ZFP64: variants seen among roughly 807,000 people sequenced by gnomAD.
The protein encoded by ZFP64 is zinc finger protein 64.
A neutral mutation model predicts 51.6 loss-of-function variants in ZFP64; 14 were observed. The observed-to-expected ratio is 0.27, with a 90% CI of 0.18 to 0.42. The LOEUF is 0.42. Ranked by LOEUF, ZFP64 falls within the 10% of genes least tolerant of loss-of-function variation. The pLI, the probability that ZFP64 is intolerant of heterozygous loss-of-function variation, is 1.00. For missense variants in ZFP64, 754 were observed against 906.8 expected (o/e 0.83, Z 2.16); for synonymous variants, 375 against 361.4 (o/e 1.04, Z -0.43).
At chr20:52,161,102 C>G (rs1313325148) in intron 4 of ZFP64, among the ~76,000 whole-genome samples, 1 of 152,030 alleles carries the variant, frequency 6.6e-6, no homozygotes, top group African/African-American at 2.4e-5. Context: ...CTGGCTGGTC[C>G]CTAGGACAGA....
intron 7 of ZFP64, among the ~76,000 whole-genome samples, chr20:52,090,058 CA>C: frequency 6.6e-6 from 1 of 152,162 alleles, no homozygotes; most frequent in African/African-American, 2.4e-5. Flanking sequence ...GAAAAGACGC[CA>C]AAAGGTAAGA....
At chr20:52,096,157 G>A (rs757899390) in intron 7 of ZFP64, among the ~76,000 whole-genome samples, 1 of 152,160 alleles carries the variant, frequency 6.6e-6, no homozygotes, top group Non-Finnish European at 1.5e-5. Flanking sequence ...CAGTGAAGGG[G>A]CTCCAGAGGC....
chr20:52,138,101 G>T (rs1028373133), intron 5 of ZFP64, among the ~76,000 whole-genome samples: 3 of 151,964 alleles, frequency 2.0e-5, no homozygotes, highest in Middle Eastern at 3.2e-3. Flanking sequence ...CAACTACTTG[G>T]GAGGCTGAGG....
chr20:52,109,799 A>G (rs868394491), intron 5 of ZFP64, among the ~76,000 whole-genome samples: 20 of 151,032 alleles, frequency 1.3e-4, no homozygotes, highest in African/African-American at 2.9e-4. Context: ...AAAAAAAAAA[A>G]AAAGAAAAAA....
At chr20:52,116,740 G>A (rs1323387421) in intron 5 of ZFP64, among the ~76,000 whole-genome samples, 2 of 152,114 alleles carry the variant, frequency 1.3e-5, no homozygotes, top group African/African-American at 4.8e-5. Context: ...TGCATAATAT[G>A]TATAACATAA....
At chr20:52,099,690 T>C (rs377139150) in intron 5 of ZFP64, among the ~76,000 whole-genome samples, 1 of 152,196 alleles carries the variant, frequency 6.6e-6, no homozygotes, top group Non-Finnish European at 1.5e-5. Flanking sequence ...TTGTATGATA[T>C]GTGAATTTGT....
rs1024908089 is a variant in ZFP64, at chr20:52,112,092, A to C, written c.764-13505T>G. Among the ~76,000 whole-genome samples, 10 of 137,812 alleles carry C rather than the reference A, an allele frequency of 7.3e-5. No individual in the cohort carries two copies. The East Asian group carries it at 7.9e-4, about 11-fold the overall frequency. The allele number at this position is 137,812 out of a possible 152,430, so 90.4% of individuals were successfully genotyped here. On this transcript the variant is annotated intron_variant, in intron 5 of 8. Coordinates refer to the ZFP64 transcript ENST00000361387. The stretch of plus-strand genomic sequence containing the variant: ...GCGAGACTCTATCTCCAAAAAAAAA[A>C]AAAAAAAACAAAAAAAAAACAAGAA...
chr20:52,135,757 G>A (rs1979939085), intron 5 of ZFP64, among the ~76,000 whole-genome samples: 1 of 152,058 alleles, frequency 6.6e-6, no homozygotes, highest in African/African-American at 2.4e-5. Context: ...CCAGAGTGCT[G>A]GAATTACAGG....
At chr20:52,185,541 C>CTCCCTTTATGTCGAATCG (rs140022492) in intron 2 of ZFP64, among the ~76,000 whole-genome samples, 1 of 150,554 alleles carries the variant, frequency 6.6e-6, no homozygotes, top group African/African-American at 2.5e-5. Flanking sequence ...GTGACCAAAC[C>CTCCCTTTATGTCGAATCG]TCCCCTGTAA....
chr20:52,084,848 C>T (rs756223442), exon 9 of ZFP64: 2 of 1,614,072 alleles, frequency 1.2e-6, no homozygotes, highest in Non-Finnish European at 1.7e-6. Context: ...CCGTCTTGGC[C>T]TCGTCCCTGT....
Position 52,176,201 on chromosome 20 carries a change from C to G in ZFP64, c.287-10176G>C, listed in dbSNP as rs140758536. On this transcript the variant is annotated intron_variant, in intron 2 of 5. Transcript: ENST00000216923. ...GGAGCATCTCTGGAGCCCAAGAGTC[C>G]GAGTCCAACCTGGGCGACGTAGTGA... Among the ~76,000 whole-genome samples, 1,476 of 152,094 alleles carry G rather than the reference C, an allele frequency of 9.7e-3. 7 individuals are homozygous for G. The highest frequency in any genetic ancestry group is 0.014 in the Non-Finnish European group (967 of 68,008).
At chr20:52,157,515 T>C (rs995803969) in intron 5 of ZFP64, among the ~76,000 whole-genome samples, 2 of 152,154 alleles carry the variant, frequency 1.3e-5, no homozygotes, top group African/African-American at 4.8e-5. Flanking sequence ...GAAAGGATGT[T>C]CCAATGGGCA....
rs766910062 is a variant in ZFP64, at chr20:52,180,226, CTT to C, written c.286+6604_286+6605del. Among the ~76,000 whole-genome samples the C allele has an allele frequency of 1.8e-3, 268 of 152,348 alleles. 2 individuals are homozygous for C. Among genetic ancestry groups the C allele is most frequent in the Non-Finnish European group, 1.9e-3 (132 of 68,038 alleles). On this transcript the variant is annotated intron_variant, in intron 2 of 5. Coordinates refer to ENST00000216923, the MANE Select transcript of ZFP64 (RefSeq NM_018197.3). ...GCTGGCTGTCAGGGGCTGCTTTCCT[CTT>C]TCTCTGCTAGTTGGCCACAGGCCCT...
chr20:52,126,306 C>T (rs1036648545), intron 5 of ZFP64, among the ~76,000 whole-genome samples: 6 of 152,150 alleles, frequency 3.9e-5, no homozygotes, highest in Non-Finnish European at 5.9e-5. Flanking sequence ...AGTTATTTCA[C>T]GCATCTGGGT....
At chr20:52,125,487 C>A (rs765969835) in intron 5 of ZFP64, among the ~76,000 whole-genome samples, 1 of 152,250 alleles carries the variant, frequency 6.6e-6, no homozygotes, top group Non-Finnish European at 1.5e-5. Flanking sequence ...CAGCAGCCAT[C>A]ATACACTAGT....
At chr20:52,100,080 G>A (rs575886302) in intron 5 of ZFP64, among the ~76,000 whole-genome samples, 3 of 152,250 alleles carry the variant, frequency 2.0e-5, no homozygotes, top group South Asian at 2.1e-4. Context: ...TGCAAATTCC[G>A]CCTCCCGGGT....
At chr20:52,104,601 T>C in intron 5 of ZFP64, 2 of 435,544 alleles carry the variant, frequency 4.6e-6, no homozygotes, top group Non-Finnish European at 9.5e-6. Context: ...GCTGACGCCC[T>C]GGGTCCCTGC....
intron 5 of ZFP64, among the ~76,000 whole-genome samples, chr20:52,100,189 CTG>C (rs2079035494): frequency 6.6e-6 from 1 of 152,128 alleles, no homozygotes; most frequent in African/African-American, 2.4e-5. Flanking sequence ...TGGGGTTCCA[CTG>C]TGTTAGCCAG....
intron 2 of ZFP64, chr20:52,176,036 C>T (rs988551605): frequency 3.2e-6 from 3 of 924,024 alleles, no homozygotes; most frequent in Non-Finnish European, 3.9e-6. Flanking sequence ...CACGCCCCAG[C>T]TCTGCCTTTG....
Sources: gnomAD v4.1 joint callset for allele counts (sites outside exome capture counted in the v4.1 genomes callset) on GRCh38, gnomAD v4.1.1 for gene constraint, MANE v1.5 for transcripts, NCBI Gene and HGNC (gene_info 2026-07-23, HGNC 2026-07-21) for gene names.